The following PITPNC1 variants were observed in gnomAD, a reference collection of about 807,000 sequenced individuals.
The protein encoded by PITPNC1 is phosphatidylinositol transfer protein cytoplasmic 1, also known as cytoplasmic phosphatidylinositol transfer protein 1.
A neutral mutation model predicts 44.7 loss-of-function variants in PITPNC1; 18 were observed. That is an observed-to-expected ratio of 0.40 (90% CI 0.28 to 0.60). The LOEUF (loss-of-function observed/expected upper bound fraction) is 0.60. Ranked by LOEUF, PITPNC1 falls within the 20% of genes least tolerant of loss-of-function variation. PITPNC1 has a pLI of 0.39. For synonymous variants in PITPNC1, 141 were observed against 149.6 expected (o/e 0.94, Z 0.42); for missense variants, 290 against 418.4 (o/e 0.69, Z 2.68).
At chr17:67,495,205 C>T (rs1384692823) in intron 1 of PITPNC1, among the ~76,000 whole-genome samples, 3 of 151,342 alleles carry the variant, frequency 2.0e-5, no homozygotes, top group Non-Finnish European at 4.4e-5. Context: ...TACAGGCGCT[C>T]GCCACCAGGC....
intron 1 of PITPNC1, among the ~76,000 whole-genome samples, chr17:67,516,028 A>G (rs2040254037): frequency 6.6e-6 from 1 of 152,208 alleles, no homozygotes; most frequent in African/African-American, 2.4e-5. Flanking sequence ...AAGACCTTCT[A>G]GGAGCAGGAT....
At chr17:67,517,360 G>A (rs2040272447) in intron 1 of PITPNC1, among the ~76,000 whole-genome samples, 1 of 152,214 alleles carries the variant, frequency 6.6e-6, no homozygotes, top group Admixed American at 6.5e-5. Flanking sequence ...ATGGAGGAAA[G>A]TCTGACAGTT....
chr17:67,570,929 C>T (rs1466857928), intron 4 of PITPNC1, among the ~76,000 whole-genome samples: 1 of 152,096 alleles, frequency 6.6e-6, no homozygotes, highest in African/African-American at 2.4e-5. Context: ...CATTGATTGA[C>T]AAAGCAGGTG....
rs550453507 is a variant in PITPNC1 at position 67,689,768 on chromosome 17, G to A, written c.683-2804G>A. Among the ~76,000 whole-genome samples the A allele has an allele frequency of 7.2e-5, 11 of 152,266 alleles. No individual in the cohort carries two copies. The East Asian group carries it at 2.1e-3, about 29-fold the overall frequency. On this transcript the variant is annotated intron_variant, in intron 8 of 8. Coordinates refer to ENST00000581322, the MANE Select transcript of PITPNC1 (RefSeq NM_012417.4). Reference sequence around the variant, plus strand: ...TGCCCCCTGCTGGCTATGTGGAGTAGAACAATGTATTCAGCCACTTGATTA... The same window carrying A: ...TGCCCCCTGCTGGCTATGTGGAGTAAAACAATGTATTCAGCCACTTGATTA...
intron 1 of PITPNC1, among the ~76,000 whole-genome samples, chr17:67,514,093 C>T (rs188928894): frequency 4.6e-4 from 70 of 152,100 alleles, no homozygotes; most frequent in Admixed American, 2.0e-3. Flanking sequence ...TGTTCACTGC[C>T]GGGCAGTTGA....
At position 67,468,400 on chromosome 17, in the gene PITPNC1, C is replaced by CTTT. The variant is rs139820910; in HGVS notation, c.49-64385_49-64383dup. Among the ~76,000 whole-genome samples the CTTT allele has an allele frequency of 4.3e-4, 52 of 119,942 alleles. 1 individual carries two copies. Among genetic ancestry groups the CTTT allele is most frequent in the East Asian group, 7.3e-4 (3 of 4,088 alleles). 78.7% of individuals were successfully genotyped at this position (119,942 alleles called of 152,430 possible). A position where few individuals can be genotyped will look rare whatever the true frequency, so the allele number is the denominator to read the frequency against. On this transcript the variant is annotated intron_variant, in intron 1 of 8. Coordinates refer to ENST00000581322, the MANE Select transcript of PITPNC1 (RefSeq NM_012417.4). ...AGGAATGAACAGGTGGCTTTCTTTC[C>CTTT]TTTTTTTTTTTTTTTTTTTGAGATG...
chr17:67,639,717 C>T (rs778679315), intron 6 of PITPNC1, among the ~76,000 whole-genome samples: 3 of 152,192 alleles, frequency 2.0e-5, no homozygotes, highest in Non-Finnish European at 2.9e-5. Context: ...TTGGTCCCCA[C>T]AGATCTAAAT....
chr17:67,420,064 G>A (rs550413867), intron 1 of PITPNC1, among the ~76,000 whole-genome samples: 1 of 152,296 alleles, frequency 6.6e-6, no homozygotes, highest in African/African-American at 2.4e-5. Context: ...ACATGAGTCC[G>A]TCTTTGATCC....
intron 6 of PITPNC1, among the ~76,000 whole-genome samples, chr17:67,661,113 G>T (rs1158909672): frequency 6.6e-6 from 1 of 150,760 alleles, no homozygotes; most frequent in East Asian, 2.0e-4. Context: ...CTCCCAAAGT[G>T]CTGGGATTAC....
intron 1 of PITPNC1, among the ~76,000 whole-genome samples, chr17:67,387,892 G>C (rs1480211615): frequency 6.6e-6 from 1 of 152,022 alleles, no homozygotes; most frequent in Non-Finnish European, 1.5e-5. Context: ...CTAAGTCTTT[G>C]AAATCAGGTG....
rs574946732 is a variant in PITPNC1, at chr17:67,463,366, T to C, written c.49-69436T>C. Among the ~76,000 whole-genome samples the C allele has an allele frequency of 6.6e-5, 10 of 152,292 alleles. No individual in the cohort carries two copies. The South Asian group carries it at 1.7e-3, about 25-fold the overall frequency. Reference sequence around the variant, plus strand: ...CACTTAATTGAATTGGTGGGATATATTTTCATACATGCAGTTGTGGCAATA... The same window carrying C: ...CACTTAATTGAATTGGTGGGATATACTTTCATACATGCAGTTGTGGCAATA... On this transcript the variant is annotated intron_variant, in intron 1 of 8. Transcript: ENST00000581322.
chr17:67,422,217 G>C (rs1220263315), intron 1 of PITPNC1, among the ~76,000 whole-genome samples: 4 of 152,160 alleles, frequency 2.6e-5, no homozygotes, highest in Admixed American at 1.3e-4. Context: ...CATCCTAGGA[G>C]GAAGGAAGGC....
intron 6 of PITPNC1, among the ~76,000 whole-genome samples, chr17:67,643,780 T>C (rs1040572650): frequency 4.6e-5 from 7 of 152,178 alleles, no homozygotes; most frequent in Admixed American, 2.0e-4. Context: ...ACCAGCACAG[T>C]CCCTGGCACA....
rs144925802 is a variant in PITPNC1 at position 67,657,828 on chromosome 17, G to A, written c.463-11680G>A. On this transcript the variant is annotated intron_variant, in intron 6 of 8. Transcript: ENST00000581322. ...TACTTTTCCAGTCTTATTCTGAACT[G>A]AAGTGAGCTGTCAGTCCCGACAATT... Among the ~76,000 whole-genome samples, 454 of 152,296 alleles carry A rather than the reference G, an allele frequency of 3.0e-3. 2 individuals are homozygous for A. Among genetic ancestry groups the A allele is most frequent in the African/African-American group, 0.01 (430 of 41,554 alleles).
intron 4 of PITPNC1, among the ~76,000 whole-genome samples, chr17:67,562,695 A>G (rs926401483): frequency 6.6e-6 from 1 of 152,182 alleles, no homozygotes; most frequent in Non-Finnish European, 1.5e-5. Context: ...AGGGAGCTCA[A>G]ATATCTCCCC....
At chr17:67,670,539 G>C (rs2042494920) in intron 7 of PITPNC1, among the ~76,000 whole-genome samples, 1 of 151,812 alleles carries the variant, frequency 6.6e-6, no homozygotes, top group African/African-American at 2.4e-5. Flanking sequence ...CTTGAGGTCA[G>C]GAGTTCGAGA....
chr17:67,581,721 T>C (rs1598848849), intron 5 of PITPNC1, among the ~76,000 whole-genome samples: 1 of 152,234 alleles, frequency 6.6e-6, no homozygotes, highest in East Asian at 1.9e-4. Flanking sequence ...GATTCAAAGT[T>C]GGTCCCAGAA....
chr17:67,444,952 AG>A (rs1490484137), intron 1 of PITPNC1, among the ~76,000 whole-genome samples: 3 of 151,918 alleles, frequency 2.0e-5, no homozygotes, highest in African/African-American at 7.2e-5. Context: ...GGGAGGAGGG[AG>A]GAACACAGAG....
intron 6 of PITPNC1, among the ~76,000 whole-genome samples, chr17:67,665,084 T>TTCTG (rs2144393476): frequency 6.6e-6 from 1 of 151,244 alleles, no homozygotes; most frequent in African/African-American, 2.4e-5. Flanking sequence ...TTTTTTGGGG[T>TTCTG]TTTGTTTGTT....
Sources: gnomAD v4.1 joint callset for allele counts (sites outside exome capture counted in the v4.1 genomes callset) on GRCh38, gnomAD v4.1.1 for gene constraint, MANE v1.5 for transcripts, NCBI Gene and HGNC (gene_info 2026-07-23, HGNC 2026-07-21) for gene names.